Variants in NEBL observed in about 807,000 individuals in gnomAD.
NEBL encodes the protein nebulette.
A neutral mutation model predicts 140.2 loss-of-function variants in NEBL; 122 were observed. That is an observed-to-expected ratio of 0.87 (90% confidence interval 0.75 to 1.01). NEBL has a LOEUF of 1.01. Among genes scored for constraint, NEBL ranks in the 50% least tolerant of loss-of-function variants. NEBL has a pLI of 0.00. For missense variants in NEBL, 1,365 were observed against 1,231.3 expected (o/e 1.11, Z -1.62); for synonymous variants, 436 against 398.9 (o/e 1.09, Z -1.11).
chr10:20,859,998 A>T (rs998551240), intron 7 of NEBL, among the ~76,000 whole-genome samples, 172 bp from the exon 8 acceptor site: 2 of 151,994 alleles, frequency 1.3e-5, no homozygotes, highest in African/African-American at 4.8e-5. Flanking sequence ...TATCTTTAAT[A>T]AAAAAAACTC....
At chr10:21,280,460 A>T (rs1160625504) in intron 1 of NEBL, among the ~76,000 whole-genome samples, 1 of 152,260 alleles carries the variant, frequency 6.6e-6, no homozygotes, top group Non-Finnish European at 1.5e-5. Context: ...GCCCAGAGAG[A>T]TACAAAAGGC....
intron 2 of NEBL, among the ~76,000 whole-genome samples, chr10:21,077,044 G>A (rs1836129398): frequency 6.6e-6 from 1 of 152,016 alleles, no homozygotes; most frequent in Non-Finnish European, 1.5e-5. Context: ...TGTTAAAATG[G>A]TAACCTTTAT....
rs184673359 is a variant in NEBL, at chr10:20,930,397, G to A, written c.357+31275C>T. On this transcript the variant is annotated intron_variant, in intron 4 of 6. Coordinates refer to the NEBL transcript ENST00000417816. ...CTTAGTCCAAACCACCCTATCTCACGTGTCTCCTGTACTCATTCTCTGTGT... is the reference window on the plus strand; with the variant it reads ...CTTAGTCCAAACCACCCTATCTCACATGTCTCCTGTACTCATTCTCTGTGT... Among the ~76,000 whole-genome samples, 160 of 152,116 alleles carry A rather than the reference G, an allele frequency of 1.1e-3. 1 individual carries two copies. Among genetic ancestry groups the A allele is most frequent in the Admixed American group, 2.7e-3 (41 of 15,278 alleles).
intron 3 of NEBL, among the ~76,000 whole-genome samples, chr10:21,240,011 G>A (rs1251539395): frequency 1.3e-5 from 2 of 149,324 alleles, no homozygotes; most frequent in Non-Finnish European, 3.0e-5. Flanking sequence ...GCGAGACTCT[G>A]CCTCAAAAAA....
rs940998275 is a variant in NEBL, at chr10:20,984,632, G to T, written c.250-22853C>A. ...TGAGATACAGAAGGAGCCCTGAAAA[G>T]TCTTCCCCCATTCATTCTCTGTGCA... On this transcript the variant is annotated intron_variant, in intron 3 of 6. Coordinates refer to the NEBL transcript ENST00000417816. 6.6e-5 allele frequency among the ~76,000 whole-genome samples: 10 copies of T among 152,116 alleles called. No homozygotes were observed. In the South Asian group the frequency reaches 2.1e-3, roughly 32 times the overall value.
chr10:20,831,144 G>C, intron 16 of NEBL, 52 bp downstream of exon 16: 2 of 1,236,686 alleles, frequency 1.6e-6, no homozygotes, highest in Middle Eastern at 1.9e-4. Context: ...CAAAGCACAT[G>C]GCAACATGAC....
chr10:21,227,841 T>C (rs1030034001), intron 3 of NEBL, among the ~76,000 whole-genome samples: 1 of 149,564 alleles, frequency 6.7e-6, no homozygotes, highest in African/African-American at 2.5e-5. Context: ...CTTCTTCTTC[T>C]TTCTTCTTCT....
At chr10:21,091,708 C>T (rs1836919748) in intron 2 of NEBL, among the ~76,000 whole-genome samples, 1 of 152,200 alleles carries the variant, frequency 6.6e-6, no homozygotes, top group Non-Finnish European at 1.5e-5. Flanking sequence ...TCACTGCAGC[C>T]TCAAACTCCT....
At chr10:20,805,192 G>A (rs1221985106) in intron 26 of NEBL, among the ~76,000 whole-genome samples, 2 of 152,146 alleles carry the variant, frequency 1.3e-5, no homozygotes, top group Non-Finnish European at 2.9e-5. Flanking sequence ...TAGCAAACTG[G>A]GAAGCTCAGA....
At chr10:21,233,667 T>G (rs1370166951) in intron 3 of NEBL, among the ~76,000 whole-genome samples, 1 of 144,950 alleles carries the variant, frequency 6.9e-6, no homozygotes, top group Non-Finnish European at 1.5e-5. Flanking sequence ...TATAGATATA[T>G]ATCTATATAT....
At chr10:20,867,107 CTA>C (rs1341979437) in intron 7 of NEBL, among the ~76,000 whole-genome samples, 1 of 152,012 alleles carries the variant, frequency 6.6e-6, no homozygotes, top group Non-Finnish European at 1.5e-5. Context: ...TTTTAAAAAA[CTA>C]TTCTCAGACA....
chr10:21,263,219 C>G (rs1478654162), intron 1 of NEBL, among the ~76,000 whole-genome samples: 1 of 152,128 alleles, frequency 6.6e-6, no homozygotes, highest in Non-Finnish European at 1.5e-5. Flanking sequence ...TAACCAAGTC[C>G]AAAGCTTGTA....
At chr10:21,126,119 C>T (rs1305382022) in intron 2 of NEBL, 1 of 1,609,654 alleles carries the variant, frequency 6.2e-7, no homozygotes, top group Non-Finnish European at 8.5e-7. Context: ...TCTGCCTTAC[C>T]AGGCCTATGG....
intron 2 of NEBL, among the ~76,000 whole-genome samples, chr10:21,045,982 A>G (rs11012496): frequency 0.38 from 57,807 of 150,266 alleles, 13,698 homozygotes; most frequent in Non-Finnish European, 0.52. Context: ...GCCCGTCGGC[A>G]GATGAATGGA....
In NEBL at chr10:21,073,787, T is replaced by C. The variant is rs1417954906; in HGVS notation, c.165-53586A>G. 3.3e-5 allele frequency among the ~76,000 whole-genome samples: 5 copies of C among 150,774 alleles called. No homozygotes were observed. The South Asian group carries it at 6.3e-4, about 19-fold the overall frequency. On this transcript the variant is annotated intron_variant, in intron 2 of 6. Transcript: ENST00000417816. ...GAGGAGATGAATGCTATGAAATGCCTACTATAGCCAGGGGCGGTGGCTCAC... is the reference window on the plus strand; with the variant it reads ...GAGGAGATGAATGCTATGAAATGCCCACTATAGCCAGGGGCGGTGGCTCAC...
chr10:20,849,490 A>G (rs570336490), intron 11 of NEBL, among the ~76,000 whole-genome samples: 114 of 152,254 alleles, frequency 7.5e-4, no homozygotes, highest in African/African-American at 2.7e-3. Flanking sequence ...TGCCTCATGA[A>G]TGGATTGATG....
intron 3 of NEBL, among the ~76,000 whole-genome samples, chr10:21,211,980 A>G (rs1483971566): frequency 6.7e-6 from 1 of 150,272 alleles, no homozygotes; most frequent in Non-Finnish European, 1.5e-5. Context: ...TCAGGGTTTT[A>G]AATCACTCAA....
chr10:21,103,736 C>T lies in NEBL; in HGVS notation c.164+68647G>A, dbSNP rs945294071. 2.1e-4 allele frequency among the ~76,000 whole-genome samples: 21 copies of T among 101,972 alleles called. No homozygotes were observed. The African/African-American group carries it at 2.1e-3, about 10-fold the overall frequency. The allele number at this position is 101,972 out of a possible 152,430, so 66.9% of individuals were successfully genotyped here. On this transcript the variant is annotated intron_variant, in intron 2 of 6. Transcript: ENST00000417816. Reference sequence around the variant, plus strand: ...AAATATTTTCTCCTATTCTCTGGCTCCCTAGTCATGACATGCGATTATTAG... The same window carrying T: ...AAATATTTTCTCCTATTCTCTGGCTTCCTAGTCATGACATGCGATTATTAG...
intron 3 of NEBL, among the ~76,000 whole-genome samples, chr10:21,215,040 C>T (rs577081939): frequency 1.3e-5 from 2 of 152,286 alleles, no homozygotes; most frequent in Admixed American, 1.3e-4. Flanking sequence ...GAAGAGATGT[C>T]AACTTCCACT....
Sources: allele counts gnomAD v4.1 joint callset (sites outside exome capture counted in the v4.1 genomes callset), GRCh38; gene constraint gnomAD v4.1.1; transcripts MANE v1.5; gene names NCBI Gene and HGNC (gene_info 2026-07-23, HGNC 2026-07-21).